NXPH2: variants seen among roughly 807,000 people sequenced by gnomAD.
NXPH2 encodes neurexophilin 2, also known as neurexophilin-2.
NXPH2 carries 5 observed loss-of-function variants against 19.8 expected under a neutral mutation model. The ratio of observed to expected loss-of-function variants is 0.25; its 90% CI spans 0.13 to 0.53. The LOEUF is 0.53. NXPH2 is among the 20% of genes least tolerant of loss of function. The pLI is 0.96. For synonymous variants in NXPH2, 154 were observed against 127.4 expected (o/e 1.21, Z -1.41); for missense variants, 289 against 322.8 (o/e 0.90, Z 0.80).
chr2:138,700,604 T>A (rs998193265), intron 1 of NXPH2, among the ~76,000 whole-genome samples: 18 of 152,178 alleles, frequency 1.2e-4, no homozygotes, highest in African/African-American at 4.1e-4. Flanking sequence ...GAATTTGTTA[T>A]GGCTCTTTAG....
chr2:138,728,778 A>C (rs542379485), intron 1 of NXPH2, among the ~76,000 whole-genome samples: 1 of 152,312 alleles, frequency 6.6e-6, no homozygotes, highest in African/African-American at 2.4e-5. Flanking sequence ...ATAAAGCAAA[A>C]ATTATAGAGT....
At chr2:138,767,436 T>A (rs918476207) in intron 1 of NXPH2, among the ~76,000 whole-genome samples, 4 of 152,244 alleles carry the variant, frequency 2.6e-5, no homozygotes, top group Non-Finnish European at 5.9e-5. Context: ...CTGAGACCCT[T>A]GCATGCCCCC....
intron 1 of NXPH2, among the ~76,000 whole-genome samples, chr2:138,717,129 A>C (rs1681207069): frequency 6.6e-6 from 1 of 152,170 alleles, no homozygotes. Context: ...TGAAGCTGTA[A>C]AAAAGAAGGA....
intron 1 of NXPH2, among the ~76,000 whole-genome samples, chr2:138,756,085 G>A (rs1573979521): frequency 1.3e-5 from 2 of 151,388 alleles, no homozygotes; most frequent in Admixed American, 6.6e-5. Context: ...TTGATTCTTT[G>A]GGATTTTTCT....
intron 1 of NXPH2, among the ~76,000 whole-genome samples, chr2:138,699,778 CA>C (rs1461250801): frequency 1.3e-5 from 2 of 152,174 alleles, no homozygotes; most frequent in Non-Finnish European, 2.9e-5. Flanking sequence ...TGCTGGGGTG[CA>C]AAGTATCAGC....
intron 1 of NXPH2, among the ~76,000 whole-genome samples, chr2:138,710,065 A>C (rs1006207280): frequency 1.3e-5 from 2 of 152,208 alleles, no homozygotes; most frequent in Non-Finnish European, 2.9e-5. Flanking sequence ...GTTAAACATC[A>C]AGCAATAACT....
intron 1 of NXPH2, among the ~76,000 whole-genome samples, chr2:138,743,930 G>A (rs1490245647): frequency 1.3e-5 from 2 of 149,398 alleles, no homozygotes; most frequent in African/African-American, 2.5e-5. Flanking sequence ...TTGAAACCAG[G>A]AGGTGGAGGT....
At chr2:138,705,933 A>G (rs1681002126) in intron 1 of NXPH2, among the ~76,000 whole-genome samples, 1 of 152,202 alleles carries the variant, frequency 6.6e-6, no homozygotes, top group African/African-American at 2.4e-5. Context: ...CTTCACTCTG[A>G]TTGTGATCCT....
chr2:138,734,971 A>G (rs916967220), intron 1 of NXPH2, among the ~76,000 whole-genome samples: 5 of 152,160 alleles, frequency 3.3e-5, no homozygotes, highest in Non-Finnish European at 7.3e-5. Context: ...CCATCAGTCT[A>G]TAAGTAGTAA....
chr2:138,675,948 T>C (rs1478795728), intron 1 of NXPH2, among the ~76,000 whole-genome samples: 1 of 68,098 alleles, frequency 1.5e-5, no homozygotes, highest in Non-Finnish European at 2.8e-5. Flanking sequence ...AGTACATATA[T>C]ATACATATGT....
intron 1 of NXPH2, among the ~76,000 whole-genome samples, chr2:138,745,018 A>G (rs1681703817): frequency 6.6e-6 from 1 of 152,296 alleles, no homozygotes; most frequent in East Asian, 1.9e-4. Context: ...AGCAAAGGAA[A>G]CAGCTGCAGC....
chr2:138,715,557 T>C (rs1681184856), intron 1 of NXPH2, among the ~76,000 whole-genome samples: 1 of 152,112 alleles, frequency 6.6e-6, no homozygotes, highest in African/African-American at 2.4e-5. Context: ...CTCCTCTGAA[T>C]TGGAGGGGAG....
chr2:138,674,951 A>G (rs1680464690), intron 1 of NXPH2, among the ~76,000 whole-genome samples: 1 of 152,094 alleles, frequency 6.6e-6, no homozygotes, highest in South Asian at 2.1e-4. Context: ...CTTACTTCCC[A>G]ATCTCTATTC....
At chr2:138,756,666 G>A (rs1196797120) in intron 1 of NXPH2, among the ~76,000 whole-genome samples, 3 of 152,022 alleles carry the variant, frequency 2.0e-5, no homozygotes, top group Admixed American at 6.5e-5. Flanking sequence ...GCATAAATAC[G>A]TTGGATACAA....
At chr2:138,754,098 A>T (rs1209892959) in intron 1 of NXPH2, among the ~76,000 whole-genome samples, 1 of 151,980 alleles carries the variant, frequency 6.6e-6, no homozygotes, top group African/African-American at 2.4e-5. Flanking sequence ...CCTCCCAAAT[A>T]CCTGGGACTA....
At chr2:138,690,038 A>G (rs1474928712) in intron 1 of NXPH2, among the ~76,000 whole-genome samples, 1 of 152,140 alleles carries the variant, frequency 6.6e-6, no homozygotes. Context: ...TCCCCTTAAC[A>G]ATGTCTGTCC....
At chr2:138,752,438 C>T (rs1681841896) in intron 1 of NXPH2, among the ~76,000 whole-genome samples, 1 of 151,960 alleles carries the variant, frequency 6.6e-6, no homozygotes. Flanking sequence ...CAACCTCATA[C>T]ATCATACACT....
At position 138,677,019 on chromosome 2, in the gene NXPH2, G is replaced by A. The variant is rs559601179; in HGVS notation, c.52-5354C>T. 1.2e-3 allele frequency among the ~76,000 whole-genome samples: 179 copies of A among 152,324 alleles called. 1 individual carries two copies. The highest frequency in any genetic ancestry group is 3.4e-3 in the Middle Eastern group (1 of 294). On this transcript the variant is annotated intron_variant, in intron 1 of 1. Transcript: ENST00000272641. ...CAGCAAAGGGAGCTGAGAATATAAA[G>A]TGTCTGGCAGGTGCCCTCATTCCTG...
chr2:138,721,265 C>T (rs985696770), intron 1 of NXPH2, among the ~76,000 whole-genome samples: 15 of 151,610 alleles, frequency 9.9e-5, no homozygotes, highest in African/African-American at 3.2e-4. Flanking sequence ...CGCTTGAACC[C>T]GGGAAGTGGA....
Sources: gnomAD v4.1 joint callset for allele counts (sites outside exome capture counted in the v4.1 genomes callset) on GRCh38, gnomAD v4.1.1 for gene constraint, MANE v1.5 for transcripts, NCBI Gene and HGNC (gene_info 2026-07-23, HGNC 2026-07-21) for gene names.